Variants in CPLANE1 observed in about 807,000 individuals in gnomAD.
CPLANE1 encodes ciliogenesis and planar polarity effector complex subunit 1, also known as ciliogenesis and planar polarity effector 1.
A neutral mutation model predicts 362.5 loss-of-function variants in CPLANE1; 263 were observed. The ratio of observed to expected loss-of-function variants is 0.73; its 90% CI spans 0.66 to 0.80. The LOEUF is 0.80. CPLANE1 is among the 30% of genes least tolerant of loss of function. The probability of loss-of-function intolerance (pLI) is 0.00; values close to 1 mark genes in which losing one functional copy is unlikely to be tolerated. For missense variants in CPLANE1, 3,461 were observed against 3,793.4 expected, an observed-to-expected ratio of 0.91 and a Z score of 2.30; for synonymous variants, 1,212 against 1,302.6, an observed-to-expected ratio of 0.93 and a Z score of 1.50.
intron 39 of CPLANE1, 27 bp from the exon 40 acceptor site, chr5:37,157,895 A>G: frequency 4.8e-6 from 5 of 1,052,322 alleles, no homozygotes; most frequent in Non-Finnish European, 6.6e-6. Flanking sequence ...AAAACCAAAG[A>G]GGGTTACATT....
intron 18 of CPLANE1, among the ~76,000 whole-genome samples, chr5:37,202,140 G>A (rs899711491): frequency 2.0e-5 from 3 of 151,426 alleles, no homozygotes; most frequent in African/African-American, 4.9e-5. Context: ...ATAAAAGATT[G>A]TGTGAGAGTA....
intron 6 of CPLANE1, among the ~76,000 whole-genome samples, chr5:37,242,089 C>T (rs899628818): frequency 6.6e-6 from 1 of 152,168 alleles, no homozygotes; most frequent in Non-Finnish European, 1.5e-5. Flanking sequence ...GGTGAGGTGG[C>T]TCATGCCTGT....
chr5:37,120,303 G>T lies in CPLANE1; in HGVS notation c.9223C>A (p.Pro3075Thr). Residue 3075 changes from proline (P) to threonine (T), a missense_variant, in exon 50 of 53, where the codon CCT (proline) becomes ACT (threonine). By Grantham distance (38) the Pro-to-Thr change is conservative. Transcript: ENST00000651892. ...TTGGACATATATTTGACTTTTCCAG[G>T]TCGATTTATTAGAAAACTGTGACCA... ...QHGHSFLINR[P>T]GKVKYMSKPS... 4 of 1,594,216 alleles carry T rather than the reference G, an allele frequency of 2.5e-6. No individual in the cohort carries two copies. Among genetic ancestry groups the T allele is most frequent in the Non-Finnish European group, 3.4e-6 (4 of 1,173,490 alleles).
chr5:37,189,764 C>T (rs1020586958), intron 21 of CPLANE1, among the ~76,000 whole-genome samples: 1 of 152,056 alleles, frequency 6.6e-6, no homozygotes, highest in African/African-American at 2.4e-5. Context: ...TTTGGGAGGA[C>T]GAGGTGGGTG....
intron 19 of CPLANE1, among the ~76,000 whole-genome samples, chr5:37,201,030 C>T (rs1468296056): frequency 6.6e-6 from 1 of 152,084 alleles, no homozygotes; most frequent in Non-Finnish European, 1.5e-5. Flanking sequence ...CGCCATGTTG[C>T]CCAGGCTGGT....
chr5:37,186,197 C>T (rs944686772), intron 24 of CPLANE1, 89 bp downstream of exon 24: 3 of 724,828 alleles, frequency 4.1e-6, no homozygotes, highest in East Asian at 2.6e-5. Flanking sequence ...TGCATAGACA[C>T]ATAAGCAACA....
At chr5:37,217,370 C>G (rs1330450475) in intron 15 of CPLANE1, among the ~76,000 whole-genome samples, 1 of 152,066 alleles carries the variant, frequency 6.6e-6, no homozygotes, top group Non-Finnish European at 1.5e-5. Flanking sequence ...CTTTGGGAGG[C>G]CAAGGCAGGT....
Position 37,106,850 on chromosome 5 carries a change from C to A in CPLANE1, c.*752G>T. On this transcript the variant is annotated 3_prime_UTR_variant, in exon 53 of 53. Transcript: ENST00000651892. ...GAAGGATACTGGTTCTTAGTCAATT[C>A]TCATAAAAATTATCTCTTAAAACTA... 1.0e-6 allele frequency: 1 copy of A among 984,114 alleles called. No individual in the cohort carries two copies. The highest frequency in any genetic ancestry group is 1.2e-6 in the Non-Finnish European group (1 of 828,762). The allele number at this position is 984,114 out of a possible 1,614,324, so 61.0% of individuals were successfully genotyped here. A position where few individuals can be genotyped will look rare whatever the true frequency, so the allele number is the denominator to read the frequency against.
At chr5:37,091,268 A>C in the CPLANE1 span, among the ~76,000 whole-genome samples, 1 of 152,244 alleles carries the variant, frequency 6.6e-6, no homozygotes, top group Non-Finnish European at 1.5e-5. Context: ...CACTCATCTA[A>C]TTAGTGCACA....
intron 8 of CPLANE1, among the ~76,000 whole-genome samples, chr5:37,235,272 AC>A (rs1798697090): frequency 6.6e-6 from 1 of 152,174 alleles, no homozygotes; most frequent in Admixed American, 6.5e-5. Context: ...AATATATTTA[AC>A]CAAGAAGGTA....
intron 36 of CPLANE1, 126 bp from the exon 37 acceptor site, chr5:37,164,453 T>C (rs1405737207): frequency 3.1e-6 from 2 of 641,808 alleles, no homozygotes; most frequent in East Asian, 5.5e-5. Flanking sequence ...ATTCTAGACA[T>C]AAGTATTCTA....
At chr5:37,141,306 A>G (rs1280206820) in intron 44 of CPLANE1, 7 of 985,292 alleles carry the variant, frequency 7.1e-6, no homozygotes, top group Non-Finnish European at 8.4e-6. Context: ...TCTACCATCT[A>G]GCCATATGAG....
In CPLANE1 at chr5:37,148,285, C is replaced by A; in HGVS notation, c.8374-17G>T. 6.6e-7 allele frequency: 1 copy of A among 1,521,362 alleles called. No individual in the cohort carries two copies. Among genetic ancestry groups the A allele is most frequent in the South Asian group, 1.2e-5 (1 of 85,714 alleles). 94.2% of individuals were successfully genotyped at this position (1,521,362 alleles called of 1,614,324 possible). A position where few individuals can be genotyped will look rare whatever the true frequency, so the allele number is the denominator to read the frequency against. ...TGGTCCAATCTGTAGAAAAAACACA[C>A]ACAACAAAACAACAGTAATACTTTG... On this transcript the variant is annotated splice_polypyrimidine_tract_variant and intron_variant, in intron 42 of 52. Coordinates refer to ENST00000651892, the MANE Select transcript of CPLANE1 (RefSeq NM_001384732.1).
intron 9 of CPLANE1, among the ~76,000 whole-genome samples, chr5:37,229,373 ACC>A (rs1797195018): frequency 6.9e-6 from 1 of 145,304 alleles, no homozygotes; most frequent in African/African-American, 2.6e-5. Flanking sequence ...ACATGGTGAA[ACC>A]CCGTCTCTAA....
At chr5:37,216,057 G>C (rs1289815117) in intron 15 of CPLANE1, among the ~76,000 whole-genome samples, 1 of 151,910 alleles carries the variant, frequency 6.6e-6, no homozygotes, top group Non-Finnish European at 1.5e-5. Context: ...GGCTGGTCTT[G>C]AACTCCTGAG....
chr5:37,186,385 T>C lies in CPLANE1; in HGVS notation c.4090A>G (p.Ile1364Val), dbSNP rs376146201. The C allele has an allele frequency of 1.3e-6, 2 of 1,565,900 alleles. No individual in the cohort carries two copies. The highest frequency in any genetic ancestry group is 2.7e-5 in the African/African-American group (2 of 73,950). The change falls in exon 24 of 53, where the codon ATT becomes GTT. Residue 1364 changes from isoleucine to valine, a missense_variant. This residue lies in a region of CPLANE1 where 3,380 missense variants were observed against 3,666.1 expected (regional missense o/e 0.92). Transcript: ENST00000651892. ...GGATAGGGAAATGCTTTCACGAAAATTTCTGCTACCTTCAGAAAAAAAATT... is the reference window on the plus strand; with the variant it reads ...GGATAGGGAAATGCTTTCACGAAAACTTCTGCTACCTTCAGAAAAAAAATT... ...ELPPIRKVAE[I>V]FVKAFPYPED...
chr5:37,241,184 T>A lies in CPLANE1; in HGVS notation c.678-1315A>T, dbSNP rs1191391754. On this transcript the variant is annotated intron_variant, in intron 6 of 52. Transcript: ENST00000651892. ...AAAATGTAGAGAAGGCCAGGCATGG[T>A]GGCTAATGCCTGTAATCCCAGCACT... Among the ~76,000 whole-genome samples the A allele has an allele frequency of 2.6e-5, 4 of 151,564 alleles. No homozygotes were observed. In the East Asian group the frequency reaches 7.8e-4, roughly 29 times the overall value.
chr5:37,148,366 A>T, intron 42 of CPLANE1, 98 bp from the exon 43 acceptor site: 1 of 773,668 alleles, frequency 1.3e-6, no homozygotes, highest in Non-Finnish European at 2.0e-6. Flanking sequence ...GCATTAATGC[A>T]AAAGTGAAAA....
At position 37,114,958 on chromosome 5, in the gene CPLANE1, A is replaced by C. The variant is rs1003125383; in HGVS notation, c.9400+2T>G. The C allele has an allele frequency of 1.3e-6, 2 of 1,581,610 alleles. No homozygotes were observed. The highest frequency in any genetic ancestry group is 1.7e-6 in the Non-Finnish European group (2 of 1,153,552). On this transcript the variant is annotated splice_donor_variant, in intron 51 of 52. Coordinates refer to ENST00000651892, the MANE Select transcript of CPLANE1 (RefSeq NM_001384732.1). LOFTEE classifies it high-confidence loss of function. The stretch of plus-strand genomic sequence containing the variant: ...AAAAACTTTATCTTCTTTATCCCTT[A>C]CCTTTTTGGAAGGTAACTGGAGACT...
Sources: allele counts gnomAD v4.1 joint callset (sites outside exome capture counted in the v4.1 genomes callset), GRCh38; gene constraint gnomAD v4.1.1; regional missense constraint gnomAD v4.1.1; transcripts MANE v1.5; gene names NCBI Gene and HGNC (gene_info 2026-07-23, HGNC 2026-07-21).